Variants in PARD3B observed in about 807,000 individuals in gnomAD.
PARD3B encodes the protein par-3 family cell polarity regulator beta.
Under a neutral mutation model 130.2 loss-of-function variants are expected in PARD3B, and 103 were observed. That is an observed-to-expected ratio of 0.79 (90% CI 0.67 to 0.93). The LOEUF is 0.93. PARD3B is among the 40% of genes least tolerant of loss of function. PARD3B has a pLI of 0.00. For synonymous variants in PARD3B, 583 were observed against 553.2 expected (o/e 1.05, Z -0.76); for missense variants, 1,609 against 1,499.2 (o/e 1.07, Z -1.21).
intron 1 of PARD3B, among the ~76,000 whole-genome samples, chr2:204,653,785 C>CA (rs35190366): frequency 0.028 from 1,980 of 71,070 alleles, 65 homozygotes; most frequent in African/African-American, 0.059. Context: ...GACTCTGTCT[C>CA]AAAAAAAAAA....
At chr2:205,020,970 C>T (rs1696550945) in intron 3 of PARD3B, among the ~76,000 whole-genome samples, 2 of 152,118 alleles carry the variant, frequency 1.3e-5, no homozygotes, top group Non-Finnish European at 2.9e-5. Context: ...GACCCAAGAA[C>T]AGTTGAACTG....
chr2:205,047,490 T>G, intron 3 of PARD3B, 91 bp from the exon 4 acceptor site: 1 of 697,206 alleles, frequency 1.4e-6, no homozygotes, highest in Non-Finnish European at 2.4e-6. Context: ...TAAAAGCCTG[T>G]TGTAAACCTT....
intron 2 of PARD3B, among the ~76,000 whole-genome samples, chr2:204,705,019 T>A (rs1482858205): frequency 6.6e-6 from 1 of 152,170 alleles, no homozygotes; most frequent in East Asian, 1.9e-4. Context: ...AATAAAAGGT[T>A]AAGCTGTTTG....
intron 2 of PARD3B, among the ~76,000 whole-genome samples, chr2:204,840,157 A>G (rs116339257): frequency 0.011 from 1,616 of 152,310 alleles, 23 homozygotes; most frequent in African/African-American, 0.036. Context: ...CTCAGTAGAA[A>G]TACTTTAAAT....
Position 205,244,549 on chromosome 2 carries a change from C to G in PARD3B, c.2141-1229C>G, listed in dbSNP as rs1346431256. Among the ~76,000 whole-genome samples, 1 of 152,088 alleles carries G rather than the reference C, an allele frequency of 6.6e-6. No homozygotes were observed. The highest frequency in any genetic ancestry group is 6.5e-5 in the Admixed American group (1 of 15,276). ...GCCTCATAGAGTGGCTTGGGAAATCCTCTCTCTTTCTAATACATTTTCTGT... is the reference window on the plus strand; with the variant it reads ...GCCTCATAGAGTGGCTTGGGAAATCGTCTCTCTTTCTAATACATTTTCTGT... On this transcript the variant is annotated intron_variant, in intron 15 of 22. Transcript: ENST00000406610. The surrounding 1 kb of genome is among the most constrained non-coding windows in gnomAD (Gnocchi z 4.7).
intron 18 of PARD3B, among the ~76,000 whole-genome samples, chr2:205,383,659 T>G (rs1219917628): frequency 6.6e-6 from 1 of 152,094 alleles, no homozygotes; most frequent in Non-Finnish European, 1.5e-5. Context: ...CTATGGGTTT[T>G]ACAAGTGCAA....
intron 1 of PARD3B, among the ~76,000 whole-genome samples, chr2:204,600,903 C>T (rs543328720): frequency 6.6e-6 from 1 of 151,714 alleles, no homozygotes; most frequent in South Asian, 2.1e-4. Flanking sequence ...TTGAATCTTT[C>T]TGTCCAACTG....
intron 20 of PARD3B, among the ~76,000 whole-genome samples, chr2:205,454,798 C>G (rs1431608047): frequency 2.0e-5 from 3 of 152,006 alleles, no homozygotes; most frequent in Admixed American, 1.3e-4. Context: ...CACGAAAAAC[C>G]AAGCCCCAAA....
intron 10 of PARD3B, among the ~76,000 whole-genome samples, chr2:205,149,017 G>C (rs1021256231): frequency 6.6e-6 from 1 of 152,100 alleles, no homozygotes; most frequent in African/African-American, 2.4e-5. Flanking sequence ...GCTTTGAAAG[G>C]CTGGGTTATT....
At chr2:204,708,928 ATTG>A (rs1259233180) in intron 2 of PARD3B, among the ~76,000 whole-genome samples, 1 of 152,202 alleles carries the variant, frequency 6.6e-6, no homozygotes, top group Non-Finnish European at 1.5e-5. Flanking sequence ...GCTAAAAGAT[ATTG>A]TTCTCAGTAT....
chr2:204,648,033 A>G (rs758164711), intron 1 of PARD3B, among the ~76,000 whole-genome samples: 1 of 151,698 alleles, frequency 6.6e-6, no homozygotes, highest in African/African-American at 2.4e-5. Context: ...TGACTACGCA[A>G]TAGTAAGACT....
rs914071852 is a variant in PARD3B at position 205,572,716 on chromosome 2, G to T, written c.3260+19313G>T. Among the ~76,000 whole-genome samples, 1 of 152,108 alleles carries T rather than the reference G, an allele frequency of 6.6e-6. No homozygotes were observed. The highest frequency in any genetic ancestry group is 1.5e-5 in the Non-Finnish European group (1 of 68,030). On this transcript the variant is annotated intron_variant, in intron 22 of 22. Transcript: ENST00000406610. The surrounding 1 kb of genome is among the most constrained non-coding windows in gnomAD (Gnocchi z 4.2). ...GCTGAGATCATGCCATTGCACTCCA[G>T]CCTGGACAACAGAGGGAGAACCCCA...
chr2:204,667,562 C>T (rs747844331), intron 1 of PARD3B, among the ~76,000 whole-genome samples: 2 of 152,140 alleles, frequency 1.3e-5, no homozygotes, highest in Non-Finnish European at 2.9e-5. Context: ...CTGAACTTGA[C>T]TCACATTTTC....
chr2:205,104,802 C>T (rs1007817699), intron 5 of PARD3B, among the ~76,000 whole-genome samples: 4 of 152,162 alleles, frequency 2.6e-5, no homozygotes, highest in African/African-American at 9.7e-5. Flanking sequence ...TTCAAATGAA[C>T]ATTTCAGAGG....
At chr2:204,726,061 G>T (rs1319593394) in intron 2 of PARD3B, among the ~76,000 whole-genome samples, 1 of 152,188 alleles carries the variant, frequency 6.6e-6, no homozygotes, top group Non-Finnish European at 1.5e-5. Flanking sequence ...ATTGAGTCCA[G>T]CTAGGGCTGC....
intron 21 of PARD3B, among the ~76,000 whole-genome samples, chr2:205,504,949 A>C (rs1359199219): frequency 1.3e-5 from 2 of 152,226 alleles, no homozygotes; most frequent in Non-Finnish European, 2.9e-5. Flanking sequence ...GCGTATGTTT[A>C]TTGTGGCACT....
chr2:204,631,515 G>A (rs1018746784), intron 1 of PARD3B, among the ~76,000 whole-genome samples: 3 of 152,068 alleles, frequency 2.0e-5, no homozygotes, highest in African/African-American at 4.8e-5. Context: ...CCCAAAGTGC[G>A]GGATTACAGG....
In PARD3B at chr2:204,846,729, A is replaced by G. The variant is rs142255962; in HGVS notation, c.223-118423A>G. ...TATACCTGAAAGTATTTCTTAAGCC[A>G]TTTTCTTCTTCGTACAGATGACACA... On this transcript the variant is annotated intron_variant, in intron 2 of 22. Transcript: ENST00000406610. Among the ~76,000 whole-genome samples, 826 of 150,972 alleles carry G rather than the reference A, an allele frequency of 5.5e-3. 11 individuals are homozygous for G. Among genetic ancestry groups the G allele is most frequent in the Middle Eastern group, 0.041 (12 of 294 alleles).
At chr2:205,603,605 T>C (rs1256746628) in intron 22 of PARD3B, among the ~76,000 whole-genome samples, 1 of 152,222 alleles carries the variant, frequency 6.6e-6, no homozygotes, top group Non-Finnish European at 1.5e-5. Context: ...CATTATGTAA[T>C]ACTCTTCTTT....
Sources: gnomAD v4.1 joint callset for allele counts (sites outside exome capture counted in the v4.1 genomes callset) on GRCh38, gnomAD v4.1.1 for gene constraint, Gnocchi (gnomAD v3.1) non-coding constraint, MANE v1.5 for transcripts, NCBI Gene and HGNC (gene_info 2026-07-23, HGNC 2026-07-21) for gene names.